The following FBXL2 variants were observed in gnomAD, a reference collection of about 807,000 sequenced individuals.
FBXL2 encodes F-box/LRR-repeat protein 2.
FBXL2 carries 38 observed loss-of-function variants against 69.2 expected under a neutral mutation model. That is an observed-to-expected ratio of 0.55 (90% CI 0.42 to 0.72). FBXL2 has a LOEUF of 0.72. Among genes scored for constraint, FBXL2 ranks in the 30% least tolerant of loss-of-function variants. The probability of loss-of-function intolerance (pLI) is 0.00; values close to 1 mark genes in which losing one functional copy is unlikely to be tolerated. For missense variants in FBXL2, 354 were observed against 520.3 expected (o/e 0.68, Z 3.11); for synonymous variants, 192 against 201.3 (o/e 0.95, Z 0.39).
chr3:33,280,887 A>T (rs964091055), intron 1 of FBXL2, among the ~76,000 whole-genome samples: 2 of 152,072 alleles, frequency 1.3e-5, no homozygotes, highest in African/African-American at 2.4e-5. Context: ...ATATTTTATC[A>T]TATAATTTTC....
the FBXL2 span, among the ~76,000 whole-genome samples, chr3:33,418,693 T>C: frequency 3.3e-5 from 5 of 151,466 alleles, no homozygotes; most frequent in Admixed American, 6.6e-5. Flanking sequence ...ACCTCATCTC[T>C]ACTAAAAATA....
chr3:33,341,625 T>C (rs1338627530), intron 2 of FBXL2, among the ~76,000 whole-genome samples: 2 of 151,340 alleles, frequency 1.3e-5, no homozygotes, highest in African/African-American at 4.9e-5. Flanking sequence ...AGGTCAGGAG[T>C]TTGAGACCAA....
chr3:33,307,858 T>A (rs2036853623), intron 2 of FBXL2, among the ~76,000 whole-genome samples: 1 of 152,174 alleles, frequency 6.6e-6, no homozygotes, highest in East Asian at 1.9e-4. Flanking sequence ...TGGTTTCTCA[T>A]CCTCTGAAGG....
chr3:33,422,579 G>T, the FBXL2 span, among the ~76,000 whole-genome samples: 1 of 151,902 alleles, frequency 6.6e-6, no homozygotes, highest in Non-Finnish European at 1.5e-5. Flanking sequence ...TTAAAAATTT[G>T]CCAGGCATGG....
At chr3:33,354,023 T>C (rs1267572614) in intron 2 of FBXL2, among the ~76,000 whole-genome samples, 1 of 152,212 alleles carries the variant, frequency 6.6e-6, no homozygotes. Context: ...TGGCAAAACC[T>C]CTAGAACTAA....
chr3:33,419,456 C>T, the FBXL2 span, among the ~76,000 whole-genome samples: 1 of 152,010 alleles, frequency 6.6e-6, no homozygotes, highest in African/African-American at 2.4e-5. Context: ...AGTGAAACCC[C>T]GTCTCTACTA....
intron 2 of FBXL2, among the ~76,000 whole-genome samples, chr3:33,343,582 T>C (rs781768653): frequency 6.6e-5 from 10 of 152,144 alleles, no homozygotes; most frequent in Non-Finnish European, 1.5e-4. Context: ...TCTATGTATC[T>C]TTATTCTATT....
chr3:33,400,489 A>T (rs2044182957), intron 12 of FBXL2, among the ~76,000 whole-genome samples: 1 of 152,186 alleles, frequency 6.6e-6, no homozygotes, highest in Non-Finnish European at 1.5e-5. Context: ...AAAAGAGAAA[A>T]ATCATGCCGC....
At chr3:33,304,212 C>T (rs2036523847) in intron 2 of FBXL2, among the ~76,000 whole-genome samples, 1 of 152,034 alleles carries the variant, frequency 6.6e-6, no homozygotes, top group African/African-American at 2.4e-5. Flanking sequence ...TTGATCCATG[C>T]ATTGCCCTCT....
intron 5 of FBXL2, among the ~76,000 whole-genome samples, chr3:33,368,369 T>G (rs2042084503): frequency 6.6e-6 from 1 of 152,272 alleles, no homozygotes; most frequent in Admixed American, 6.5e-5. Flanking sequence ...TCAAGTATTT[T>G]GAAGCTCTGT....
In FBXL2 at chr3:33,388,082, AAAAAAG is replaced by A. The variant is rs1326604694; in HGVS notation, c.*2479_*2484del. On this transcript the variant is annotated 3_prime_UTR_variant, in exon 15 of 15. Transcript: ENST00000484457. ...CAGACTCCGTCTCAAAAAAAAAAAA[AAAAAAG>A]AAAATCAGGTTTGCTTCCTTTTAAA... The A allele has an allele frequency of 1.3e-5, 2 of 150,670 alleles. No individual in the cohort carries two copies. The highest frequency in any genetic ancestry group is 2.9e-5 in the Non-Finnish European group (2 of 67,884). The allele number at this position is 150,670 out of a possible 1,614,324, so 9.3% of individuals were successfully genotyped here. A position where few individuals can be genotyped will look rare whatever the true frequency, so the allele number is the denominator to read the frequency against.
At chr3:33,390,628 G>T, downstream of FBXL2, 1 of 531,324 alleles carries the variant, frequency 1.9e-6, no homozygotes, top group Non-Finnish European at 3.4e-6. Flanking sequence ...CAGTTCTGGG[G>T]GTAGGGGGAC....
At chr3:33,408,634 A>T, downstream of FBXL2, 1 of 1,491,000 alleles carries the variant, frequency 6.7e-7, no homozygotes, top group Non-Finnish European at 9.1e-7. Flanking sequence ...TTGGTCCTAT[A>T]TCTAACACTG....
chr3:33,300,796 C>T (rs887289730), intron 2 of FBXL2, among the ~76,000 whole-genome samples: 7 of 151,590 alleles, frequency 4.6e-5, no homozygotes, highest in African/African-American at 1.7e-4. Flanking sequence ...GCAAGCTCCA[C>T]CTCCCGGGTT....
At chr3:33,410,738 A>G in the FBXL2 span, among the ~76,000 whole-genome samples, 2 of 152,170 alleles carry the variant, frequency 1.3e-5, no homozygotes, top group Admixed American at 6.5e-5. Flanking sequence ...TAGAGACATG[A>G]TATTTATGGA....
chr3:33,396,679 T>G, intron 12 of FBXL2: 1 of 430,242 alleles, frequency 2.3e-6, no homozygotes, highest in South Asian at 2.1e-5. Flanking sequence ...CACAATTAGT[T>G]TACATTTTTA....
chr3:33,410,559 T>C, the FBXL2 span, among the ~76,000 whole-genome samples: 2 of 152,236 alleles, frequency 1.3e-5, no homozygotes, highest in African/African-American at 4.8e-5. Context: ...ATGCAAAGCA[T>C]AGCTTATGAA....
At chr3:33,330,296 A>AG (rs2039048290) in intron 2 of FBXL2, among the ~76,000 whole-genome samples, 1 of 151,342 alleles carries the variant, frequency 6.6e-6, no homozygotes, top group African/African-American at 2.4e-5. Flanking sequence ...AAAAAAAAAA[A>AG]TGCTGATCTA....
chr3:33,341,281 A>G (rs2039997037), intron 2 of FBXL2, among the ~76,000 whole-genome samples: 1 of 152,232 alleles, frequency 6.6e-6, no homozygotes. Flanking sequence ...CATGGGTACA[A>G]TTAATAAAAT....
Sources: allele counts gnomAD v4.1 joint callset (sites outside exome capture counted in the v4.1 genomes callset), GRCh38; gene constraint gnomAD v4.1.1; transcripts MANE v1.5; gene names NCBI Gene and HGNC (gene_info 2026-07-23, HGNC 2026-07-21).